KDM4C: variants seen among roughly 807,000 people sequenced by gnomAD.
The protein encoded by KDM4C is lysine demethylase 4C.
A neutral mutation model predicts 129.3 loss-of-function variants in KDM4C; 81 were observed. That is an observed-to-expected ratio of 0.63 (90% CI 0.52 to 0.75). KDM4C has a LOEUF of 0.75. Ranked by LOEUF, KDM4C falls within the 30% of genes least tolerant of loss-of-function variation. The probability of loss-of-function intolerance (pLI) is 0.00; values close to 1 mark genes in which losing one functional copy is unlikely to be tolerated. For synonymous variants in KDM4C, 573 were observed against 456.1 expected (o/e 1.26, Z -3.26); for missense variants, 1,457 against 1,304.0 (o/e 1.12, Z -1.81).
chr9:6,952,622 G>C (rs943795994), intron 8 of KDM4C, among the ~76,000 whole-genome samples: 3 of 151,706 alleles, frequency 2.0e-5, no homozygotes, highest in African/African-American at 7.3e-5. Context: ...TGTGTTTTTA[G>C]TAGAGACGGG....
upstream of KDM4C, among the ~76,000 whole-genome samples, chr9:6,756,932 A>G (rs2130333286): frequency 6.6e-6 from 1 of 152,324 alleles, no homozygotes; most frequent in East Asian, 1.9e-4. Context: ...AAAATTCAGC[A>G]TATTAGCCCA....
At chr9:6,935,172 A>G (rs1824532710) in intron 8 of KDM4C, among the ~76,000 whole-genome samples, 1 of 152,152 alleles carries the variant, frequency 6.6e-6, no homozygotes, top group Non-Finnish European at 1.5e-5. Context: ...GTTTTTTAGA[A>G]TATAAAAGAT....
At chr9:7,018,686 T>C (rs896305882) in intron 15 of KDM4C, among the ~76,000 whole-genome samples, 8 of 152,234 alleles carry the variant, frequency 5.3e-5, no homozygotes, top group African/African-American at 1.9e-4. Flanking sequence ...CAAGGTACCA[T>C]TGTCTTTGCA....
chr9:7,122,259 A>ACTCT (rs1252407890), intron 18 of KDM4C, among the ~76,000 whole-genome samples: 26 of 100,446 alleles, frequency 2.6e-4, no homozygotes, highest in Admixed American at 8.0e-4. Flanking sequence ...ACACACACAC[A>ACTCT]CACACACTCT....
At chr9:7,159,725 T>A (rs927094552) in intron 19 of KDM4C, among the ~76,000 whole-genome samples, 2 of 152,212 alleles carry the variant, frequency 1.3e-5, no homozygotes, top group African/African-American at 4.8e-5. Flanking sequence ...GGGCTTCCCT[T>A]TGTGGGTAAC....
intron 15 of KDM4C, among the ~76,000 whole-genome samples, chr9:7,032,436 T>A (rs1342859131): frequency 2.0e-5 from 3 of 152,242 alleles, no homozygotes; most frequent in Admixed American, 1.3e-4. Context: ...ACCAAGCATT[T>A]GTCTCTTGGA....
At chr9:7,131,144 C>A (rs990876137) in intron 19 of KDM4C, among the ~76,000 whole-genome samples, 1 of 152,086 alleles carries the variant, frequency 6.6e-6, no homozygotes, top group Non-Finnish European at 1.5e-5. Flanking sequence ...TTTGTCTGAT[C>A]TTTCCTCCTT....
At chr9:7,082,564 T>A (rs1186670928) in intron 17 of KDM4C, among the ~76,000 whole-genome samples, 1 of 152,084 alleles carries the variant, frequency 6.6e-6, no homozygotes, top group Non-Finnish European at 1.5e-5. Context: ...CATCCGTGAG[T>A]CTCAGGGTGC....
At chr9:6,765,082 C>A (rs1412328971) in intron 1 of KDM4C, among the ~76,000 whole-genome samples, 2 of 152,184 alleles carry the variant, frequency 1.3e-5, no homozygotes, top group Non-Finnish European at 2.9e-5. Flanking sequence ...CATTCACTCC[C>A]ATCCTCCCTC....
At chr9:6,895,843 G>C (rs1273485843) in intron 8 of KDM4C, among the ~76,000 whole-genome samples, 1 of 152,080 alleles carries the variant, frequency 6.6e-6, no homozygotes, top group Non-Finnish European at 1.5e-5. Context: ...AGATAGTTTC[G>C]AATGTTTCAC....
rs769535043 is a variant in KDM4C, at chr9:6,798,295, G to C, written c.144+5163G>C. Among the ~76,000 whole-genome samples the C allele has an allele frequency of 2.0e-5, 3 of 147,974 alleles. No homozygotes were observed. In the Admixed American group the frequency reaches 2.1e-4, roughly 10 times the overall value. ...TATTGATCATTCTTGGATGTTTCTC[G>C]CAGAGGGGGATTTGGCAGGGTCATA... On this transcript the variant is annotated intron_variant, in intron 2 of 21. Transcript: ENST00000381309.
intron 3 of KDM4C, among the ~76,000 whole-genome samples, chr9:6,811,057 T>TCG (rs1831052301): frequency 6.6e-6 from 1 of 152,212 alleles, no homozygotes; most frequent in Admixed American, 6.5e-5. Context: ...GAACCAATGC[T>TCG]CTTACTTGTC....
At chr9:6,815,540 T>C (rs1278326029) in intron 4 of KDM4C, among the ~76,000 whole-genome samples, 1 of 152,286 alleles carries the variant, frequency 6.6e-6, no homozygotes, top group African/African-American at 2.4e-5. Flanking sequence ...AAAAATTTCT[T>C]ATCTACTGAA....
At chr9:6,899,542 G>T (rs3072034) in intron 8 of KDM4C, among the ~76,000 whole-genome samples, 18,922 of 150,098 alleles carry the variant, frequency 0.13, 2,452 homozygotes, top group East Asian at 0.32. Context: ...TTTCCATGGG[G>T]GTGTGTGTGT....
chr9:6,917,925 C>G (rs1012592671), intron 8 of KDM4C, among the ~76,000 whole-genome samples: 2 of 152,204 alleles, frequency 1.3e-5, no homozygotes, highest in South Asian at 4.1e-4. Flanking sequence ...TCTTCATTCA[C>G]TGCATCATCA....
intron 17 of KDM4C, among the ~76,000 whole-genome samples, chr9:7,061,544 A>C (rs1000632462): frequency 9.5e-6 from 1 of 105,062 alleles, no homozygotes; most frequent in Admixed American, 9.5e-5. Flanking sequence ...TGGGCATTTT[A>C]TTGGGAAGAG....
rs1829871291 is a variant in KDM4C at position 6,805,841 on chromosome 9, G to C, written c.320+67G>C. 20 of 1,388,036 alleles carry C rather than the reference G, an allele frequency of 1.4e-5. No homozygotes were observed. The South Asian group carries it at 2.4e-4, about 17-fold the overall frequency. 86.0% of individuals were successfully genotyped at this position (1,388,036 alleles called of 1,614,324 possible). ...TTATGTAAATATGTTAAGAAACAAA[G>C]TAGACAGAGGAGCTTATAAATGAAA... On this transcript the variant is annotated intron_variant, in intron 3 of 21. Coordinates refer to ENST00000381309, the MANE Select transcript of KDM4C (RefSeq NM_015061.6).
intron 1 of KDM4C, among the ~76,000 whole-genome samples, chr9:6,721,748 C>T (rs2130170305): frequency 6.6e-6 from 1 of 152,016 alleles, no homozygotes; most frequent in African/African-American, 2.4e-5. Flanking sequence ...GCCGCCACGC[C>T]CGGCTAATTT....
At chr9:7,019,739 AATATAATATTTTTATATATAAAAATAT>A (rs1586955191) in intron 15 of KDM4C, among the ~76,000 whole-genome samples, 1 of 123,650 alleles carries the variant, frequency 8.1e-6, no homozygotes, top group East Asian at 2.6e-4. Context: ...TATATATAAA[AATATAATATTTTTATATATAAAAATAT>A]AATATTTTTA....
Sources: gnomAD v4.1 joint callset for allele counts (sites outside exome capture counted in the v4.1 genomes callset) on GRCh38, gnomAD v4.1.1 for gene constraint, MANE v1.5 for transcripts, NCBI Gene and HGNC (gene_info 2026-07-23, HGNC 2026-07-21) for gene names.